Variants in PKIA observed in about 807,000 individuals in gnomAD.
The protein encoded by PKIA is cAMP-dependent protein kinase inhibitor alpha.
In PKIA, 4 loss-of-function variants were observed where a neutral mutation model predicts 7.6. That is an observed-to-expected ratio of 0.52 (90% CI 0.26 to 1.20). The LOEUF is 1.20. PKIA is among the 50% of genes most tolerant of loss of function. PKIA has a pLI of 0.13. For synonymous variants in PKIA, 21 were observed against 30.7 expected (o/e 0.68, Z 1.04); for missense variants, 73 against 86.2 (o/e 0.85, Z 0.61).
At chr8:78,560,340 CTTTTTCCCCACCAGA>C (rs1478893408) in intron 1 of PKIA, among the ~76,000 whole-genome samples, 4 of 152,132 alleles carry the variant, frequency 2.6e-5, no homozygotes, top group Admixed American at 6.5e-5. Context: ...TAACTCTAAG[CTTTTTCCCCACCAGA>C]ACAAATGACA....
intron 1 of PKIA, among the ~76,000 whole-genome samples, chr8:78,546,275 T>G (rs1298098758): frequency 6.6e-6 from 1 of 152,220 alleles, no homozygotes; most frequent in African/African-American, 2.4e-5. Context: ...AGTGGAGACC[T>G]TTCGGTATCT....
In PKIA at chr8:78,516,368, G is replaced by C. The variant is rs942545789; in HGVS notation, c.-257G>C. The C allele has an allele frequency of 6.6e-6, 1 of 152,538 alleles. No homozygotes were observed. The highest frequency in any genetic ancestry group is 1.5e-5 in the Non-Finnish European group (1 of 68,366). 9.4% of individuals were successfully genotyped at this position (152,538 alleles called of 1,614,324 possible). ...AGCGGAGGCTGCTGCTGGCAGGTGG[G>C]GCGCGGGCCGGCGCGAGCTGACCGA... On this transcript the variant is annotated 5_prime_UTR_variant, in exon 1 of 4. Coordinates refer to ENST00000396418, the MANE Select transcript of PKIA (RefSeq NM_006823.4).
chr8:78,576,082 A>T (rs1807667709), intron 2 of PKIA, among the ~76,000 whole-genome samples: 1 of 151,894 alleles, frequency 6.6e-6, no homozygotes, highest in Non-Finnish European at 1.5e-5. Flanking sequence ...TTAGAGCCTC[A>T]TGTTTAAGAC....
At chr8:78,556,074 G>C (rs1180434600) in intron 1 of PKIA, among the ~76,000 whole-genome samples, 1 of 152,026 alleles carries the variant, frequency 6.6e-6, no homozygotes, top group Non-Finnish European at 1.5e-5. Context: ...TTTATGTTTA[G>C]CAGTTATGTA....
chr8:78,566,236 T>C (rs995066881), intron 1 of PKIA, among the ~76,000 whole-genome samples: 2 of 152,090 alleles, frequency 1.3e-5, no homozygotes, highest in African/African-American at 4.8e-5. Context: ...AAAAATCATA[T>C]GGAATTAGTC....
intron 1 of PKIA, chr8:78,535,028 A>T (rs560712244): frequency 1.6e-4 from 25 of 152,292 alleles, no homozygotes; most frequent in African/African-American, 6.0e-4. Context: ...ATTTACTGCC[A>T]TGAGTTGAAA....
chr8:78,556,886 GGAACGATAGATTTGCCAC>G (rs1807152602), intron 1 of PKIA, among the ~76,000 whole-genome samples: 1 of 152,204 alleles, frequency 6.6e-6, no homozygotes, highest in Middle Eastern at 3.4e-3. Context: ...GAAGCTGGCA[GGAACGATAGATTTGCCAC>G]TCTTTGCTTT....
At chr8:78,565,426 A>G (rs1391205015) in intron 1 of PKIA, among the ~76,000 whole-genome samples, 1 of 152,020 alleles carries the variant, frequency 6.6e-6, no homozygotes, top group Non-Finnish European at 1.5e-5. Context: ...CAGTTATTGA[A>G]TTATAATTTG....
chr8:78,550,477 G>A (rs113586954), intron 1 of PKIA, among the ~76,000 whole-genome samples: 11 of 151,996 alleles, frequency 7.2e-5, no homozygotes, highest in African/African-American at 2.4e-4. Context: ...TAGGGTCCCA[G>A]AAGGAAGAAA....
Position 78,601,932 on chromosome 8 carries a change from C to A in PKIA, c.*111C>A. ...GAGGAAAAAGAAAATGGCTGTGCTG[C>A]ATTGCAGGAACCTGCTCATTATCAT... On this transcript the variant is annotated 3_prime_UTR_variant, in exon 4 of 4. Transcript: ENST00000396418. 1 of 820,260 alleles carries A rather than the reference C, an allele frequency of 1.2e-6. No individual in the cohort carries two copies. The highest frequency in any genetic ancestry group is 2.0e-6 in the Non-Finnish European group (1 of 503,698). 50.8% of individuals were successfully genotyped at this position (820,260 alleles called of 1,614,324 possible).
intron 1 of PKIA, among the ~76,000 whole-genome samples, chr8:78,567,806 A>T (rs966108029): frequency 6.6e-6 from 1 of 152,328 alleles, no homozygotes; most frequent in Middle Eastern, 3.4e-3. Context: ...ATCTGTGGAC[A>T]TTAATTTTAT....
At chr8:78,596,843 C>G (rs1808236721) in intron 2 of PKIA, among the ~76,000 whole-genome samples, 1 of 152,048 alleles carries the variant, frequency 6.6e-6, no homozygotes, top group East Asian at 1.9e-4. Flanking sequence ...TGACTTAGTC[C>G]TTGAGTTGAT....
chr8:78,559,545 C>CA lies in PKIA; in HGVS notation c.-156-13266_-156-13265insA, dbSNP rs1451064266. Among the ~76,000 whole-genome samples the CA allele has an allele frequency of 7.2e-5, 11 of 152,162 alleles. No individual in the cohort carries two copies. The East Asian group carries it at 2.1e-3, about 29-fold the overall frequency. On this transcript the variant is annotated intron_variant, in intron 1 of 3. Transcript: ENST00000396418. ...ATAATAGACTGATATCTATCCATCC[C>CA]TTCATGTTTGAACATAACTGGTTTG...
At chr8:78,523,410 A>T (rs1245294090) in intron 1 of PKIA, among the ~76,000 whole-genome samples, 5 of 151,936 alleles carry the variant, frequency 3.3e-5, no homozygotes. Flanking sequence ...TGTCTGAATA[A>T]GCAACACCAT....
At chr8:78,551,734 A>G (rs1806988189) in intron 1 of PKIA, among the ~76,000 whole-genome samples, 1 of 151,970 alleles carries the variant, frequency 6.6e-6, no homozygotes, top group Non-Finnish European at 1.5e-5. Flanking sequence ...TCTTGGCAGA[A>G]CCTTCAGCAA....
intron 1 of PKIA, among the ~76,000 whole-genome samples, chr8:78,542,515 A>G (rs1296194289): frequency 6.6e-6 from 1 of 152,178 alleles, no homozygotes; most frequent in Non-Finnish European, 1.5e-5. Flanking sequence ...AACGTCAGAA[A>G]TGTAAAAGGC....
At position 78,597,430 on chromosome 8, in the gene PKIA, G is replaced by A. The variant is rs578233042; in HGVS notation, c.-27-928G>A. Among the ~76,000 whole-genome samples, 6 of 152,232 alleles carry A rather than the reference G, an allele frequency of 3.9e-5. No individual in the cohort carries two copies. The East Asian group carries it at 5.8e-4, about 15-fold the overall frequency. ...GGAGCTGTTTTTCTGGACTGGAAGC[G>A]CTATTTGATCACTGAAAATATTTAG... On this transcript the variant is annotated intron_variant, in intron 2 of 3. Coordinates refer to ENST00000396418, the MANE Select transcript of PKIA (RefSeq NM_006823.4).
At chr8:78,595,504 T>A (rs1808207225) in intron 2 of PKIA, among the ~76,000 whole-genome samples, 1 of 152,112 alleles carries the variant, frequency 6.6e-6, no homozygotes, top group Admixed American at 6.6e-5. Flanking sequence ...AATTGCATAT[T>A]TCGAGGGTTT....
chr8:78,539,661 GA>G (rs924590387), intron 1 of PKIA, among the ~76,000 whole-genome samples: 1 of 150,506 alleles, frequency 6.6e-6, no homozygotes. Context: ...GTAAAAAAAG[GA>G]AAAAAAATGA....
Sources: gnomAD v4.1 joint callset for allele counts (sites outside exome capture counted in the v4.1 genomes callset) on GRCh38, gnomAD v4.1.1 for gene constraint, MANE v1.5 for transcripts, NCBI Gene and HGNC (gene_info 2026-07-23, HGNC 2026-07-21) for gene names.